NISCH: variants seen among roughly 807,000 people sequenced by gnomAD.
The protein encoded by NISCH is I-1 receptor candidate protein.
A neutral mutation model predicts 138.4 loss-of-function variants in NISCH; 55 were observed. The ratio of observed to expected loss-of-function variants is 0.40; its 90% CI spans 0.32 to 0.50. The LOEUF (loss-of-function observed/expected upper bound fraction) is 0.50. Among genes scored for constraint, NISCH ranks in the 20% least tolerant of loss-of-function variants. NISCH has a pLI of 0.71. For missense variants in NISCH, 1,643 were observed against 2,005.5 expected, an observed-to-expected ratio of 0.82 and a Z score of 3.45; for synonymous variants, 860 against 861.5, an observed-to-expected ratio of 1.00 and a Z score of 0.03.
chr3:52,482,488 G>T (rs143786242), intron 13 of NISCH, among the ~76,000 whole-genome samples: 1 of 152,212 alleles, frequency 6.6e-6, no homozygotes, highest in African/African-American at 2.4e-5. Context: ...AGCTGAGTTC[G>T]CATGCCAGCT....
chr3:52,490,576 C>A, intron 18 of NISCH, 129 bp from the exon 19 acceptor site: 6 of 1,299,544 alleles, frequency 4.6e-6, no homozygotes, highest in Non-Finnish European at 6.5e-6. Context: ...GAGGGCATTG[C>A]CTATGGGGCT....
chr3:52,491,461 G>T lies in NISCH; in HGVS notation c.3852G>T (p.Ser1284=), dbSNP rs372434074. 1 of 1,613,376 alleles carries T rather than the reference G, an allele frequency of 6.2e-7. No homozygotes were observed. Among genetic ancestry groups the T allele is most frequent in the Non-Finnish European group, 8.5e-7 (1 of 1,179,940 alleles). Residue 1284 remains serine (S), a synonymous_variant, in exon 20 of 21, where the codon TCG becomes TCT. Transcript: ENST00000345716. ...TGTCCTCTCTGGAACGCACGCCCTC[G>T]CCGGAGCCTGTTGACAAGGACTTCT... ...VVLSSLERTP[S]PEPVDKDFYS...
chr3:52,471,498 C>T, intron 4 of NISCH: 1 of 471,088 alleles, frequency 2.1e-6, no homozygotes, highest in Non-Finnish European at 3.8e-6. Context: ...GGTGTGTCAC[C>T]CAGAATGCTG....
Position 52,488,383 on chromosome 3 carries a change from G to T in NISCH, c.2891G>T (p.Gly964Val), listed in dbSNP as rs756745762. 1 of 1,613,818 alleles carries T rather than the reference G, an allele frequency of 6.2e-7. No individual in the cohort carries two copies. Among genetic ancestry groups the T allele is most frequent in the Non-Finnish European group, 8.5e-7 (1 of 1,180,006 alleles). ...ACACGCAGCTGTACCCAGCCTCGGG[G>T]CGCCTTTGCTGATGGCCACGTGCTA... ...DPTRSCTQPR[G>V]AFADGHVLEL... Residue 964 changes from glycine to valine, a missense_variant, in exon 16 of 21, where the codon GGC (glycine) becomes GTC (valine). Coordinates refer to ENST00000345716, the MANE Select transcript of NISCH (RefSeq NM_007184.4).
In NISCH at chr3:52,489,247, C is replaced by T. The variant is rs957435361; in HGVS notation, c.3114-89C>T. The T allele has an allele frequency of 1.9e-5, 28 of 1,453,676 alleles. No homozygotes were observed. In the African/African-American group the frequency reaches 3.8e-4, roughly 20 times the overall value. The allele number at this position is 1,453,676 out of a possible 1,614,324, so 90.0% of individuals were successfully genotyped here. ...AGTAACCCAGAGGTGATGTGTGATG[C>T]ACACAGTCTCCTCACTCTGAAGCTG... On this transcript the variant is annotated intron_variant, in intron 16 of 20. Coordinates refer to ENST00000345716, the MANE Select transcript of NISCH (RefSeq NM_007184.4).
chr3:52,481,735 A>G, intron 13 of NISCH: 1 of 985,564 alleles, frequency 1.0e-6, no homozygotes, highest in Non-Finnish European at 1.2e-6. Context: ...CTGCAGCTGC[A>G]GGCAGCCCCC....
intron 13 of NISCH, 148 bp downstream of exon 13, chr3:52,480,443 G>A (rs1375382882): frequency 4.1e-5 from 63 of 1,541,250 alleles, no homozygotes; most frequent in Admixed American, 2.0e-4. Flanking sequence ...GCTGGTCCTC[G>A]CGGGGGGACA....
Position 52,487,938 on chromosome 3 carries a change from A to G in NISCH, c.2446A>G (p.Met816Val), listed in dbSNP as rs543513978. ...GCGCTCATGCTTTGCACCCCAGCACATGGCCATGCTGTGTAGCCCCATCCT... is the reference window on the plus strand; with the variant it reads ...GCGCTCATGCTTTGCACCCCAGCACGTGGCCATGCTGTGTAGCCCCATCCT... ...DLRSCFAPQHMAMLCSPILYG... is the reference protein window; with the variant it reads ...DLRSCFAPQHVAMLCSPILYG... Residue 816 changes from methionine (M) to valine (V), a missense_variant, in exon 16 of 21, where the codon ATG (methionine) becomes GTG (valine). Coordinates refer to ENST00000345716, the MANE Select transcript of NISCH (RefSeq NM_007184.4). The surrounding 1 kb of genome is among the most constrained non-coding windows in gnomAD (Gnocchi z 9.1). 7.4e-6 allele frequency: 12 copies of G among 1,611,730 alleles called. No individual in the cohort carries two copies. The South Asian group carries it at 1.2e-4, about 16-fold the overall frequency.
rs200619504 is a variant in NISCH, at chr3:52,489,543, G to A, written c.3321G>A (p.Pro1107=). 1.1e-4 allele frequency: 170 copies of A among 1,613,212 alleles called. No homozygotes were observed. Among genetic ancestry groups the A allele is most frequent in the East Asian group, 8.2e-4 (37 of 44,868 alleles). ...PPPAEAPAQY[P]SEHLIQATSE... The stretch of plus-strand genomic sequence containing the variant: ...CAGCCGAGGCCCCTGCCCAGTACCC[G>A]AGTGAGCACCTCATCCAGGCCACCT... The change falls in exon 17 of 21, where the codon CCG becomes CCA. Residue 1107 remains proline (P), a synonymous_variant. Coordinates refer to ENST00000345716, the MANE Select transcript of NISCH (RefSeq NM_007184.4).
At chr3:52,488,900 C>T (rs1707487011) in intron 16 of NISCH, among the ~76,000 whole-genome samples, 1 of 152,250 alleles carries the variant, frequency 6.6e-6, no homozygotes, top group Non-Finnish European at 1.5e-5. Flanking sequence ...CCACCTTTGC[C>T]TGCCCAGTGG....
chr3:52,481,323 C>T, intron 13 of NISCH: 1 of 1,008,508 alleles, frequency 9.9e-7, no homozygotes, highest in Non-Finnish European at 1.2e-6. Flanking sequence ...GGCAAAAGGC[C>T]CAACGCAGAG....
chr3:52,455,637 C>G lies in NISCH; in HGVS notation c.-5C>G. On this transcript the variant is annotated 5_prime_UTR_variant, in exon 1 of 21. Transcript: ENST00000345716. ...CCGGGCGGCGGTGGCGGCGGAGACC[C>G]GAACATGGCGACCGCGCGCACCTTC... 3.7e-6 allele frequency: 5 copies of G among 1,333,526 alleles called. No individual in the cohort carries two copies. Among genetic ancestry groups the G allele is most frequent in the Non-Finnish European group, 4.8e-6 (5 of 1,034,542 alleles). The allele number at this position is 1,333,526 out of a possible 1,614,324, so 82.6% of individuals were successfully genotyped here. A position where few individuals can be genotyped will look rare whatever the true frequency, so the allele number is the denominator to read the frequency against.
In NISCH at chr3:52,470,621, G is replaced by A. The variant is rs1706917387; in HGVS notation, c.361-238G>A. 5 of 583,656 alleles carry A rather than the reference G, an allele frequency of 8.6e-6. 1 individual carries two copies. The highest frequency in any genetic ancestry group is 1.5e-5 in the Non-Finnish European group (5 of 327,310). The allele number at this position is 583,656 out of a possible 1,614,324, so 36.2% of individuals were successfully genotyped here. A position where few individuals can be genotyped will look rare whatever the true frequency, so the allele number is the denominator to read the frequency against. Reference sequence around the variant, plus strand: ...CTTGGCCCTATGGACTGGAGTCGCAGCATTAGGCTGATTTCCCTTCTGCTT... The same window carrying A: ...CTTGGCCCTATGGACTGGAGTCGCAACATTAGGCTGATTTCCCTTCTGCTT... On this transcript the variant is annotated intron_variant, in intron 3 of 20. Coordinates refer to ENST00000345716, the MANE Select transcript of NISCH (RefSeq NM_007184.4).
rs367552602 is a variant in NISCH at position 52,470,055 on chromosome 3, G to T, written c.361-804G>T. Reference sequence around the variant, plus strand: ...GCTATGGTCATACCATTGCACTCCAGCCTGAGTGACAGAGCAAGACCCTGT... The same window carrying T: ...GCTATGGTCATACCATTGCACTCCATCCTGAGTGACAGAGCAAGACCCTGT... On this transcript the variant is annotated intron_variant, in intron 3 of 20. Transcript: ENST00000345716. Among the ~76,000 whole-genome samples the T allele has an allele frequency of 1.9e-4, 28 of 149,192 alleles. No individual in the cohort carries two copies. In the East Asian group the frequency reaches 2.1e-3, roughly 11 times the overall value.
Position 52,471,297 on chromosome 3 carries a change from C to G in NISCH, c.409+390C>G. 2 of 302,506 alleles carry G rather than the reference C, an allele frequency of 6.6e-6. 1 individual carries two copies. Among genetic ancestry groups the G allele is most frequent in the South Asian group, 1.1e-4 (2 of 18,964 alleles). The allele number at this position is 302,506 out of a possible 1,614,324, so 18.7% of individuals were successfully genotyped here. The stretch of plus-strand genomic sequence containing the variant: ...TCTTACTGCCTTCCCCCAGGAGCCA[C>G]AGGTATAGGGAAGGATACGGGGTCA... On this transcript the variant is annotated intron_variant, in intron 4 of 20. Coordinates refer to ENST00000345716, the MANE Select transcript of NISCH (RefSeq NM_007184.4).
At chr3:52,476,678 T>A in intron 8 of NISCH, 79 bp downstream of exon 8, 7 of 1,456,544 alleles carry the variant, frequency 4.8e-6, no homozygotes, top group South Asian at 3.5e-5. Context: ...TCAGCTTTTT[T>A]AGGAAGGACC....
intron 3 of NISCH, among the ~76,000 whole-genome samples, chr3:52,469,929 A>C (rs1706894362): frequency 6.6e-6 from 1 of 151,776 alleles, no homozygotes; most frequent in African/African-American, 2.4e-5. Flanking sequence ...AAGAAAAAAA[A>C]AAAAAAAAGC....
In NISCH at chr3:52,492,473, C is replaced by A; in HGVS notation, c.4506C>A (p.Leu1502=). 6.3e-7 allele frequency: 1 copy of A among 1,598,722 alleles called. No homozygotes were observed. ...GTGGCCGTGAGCTGCCTGTCGAGCT[C>A]ACCGGCTAGCCCAGGCCACAGCCAG... ...ALCGRELPVE[L]TG is the part of the protein sequence containing the mutation. The change falls in exon 21 of 21, where the codon CTC becomes CTA. Residue 1502 remains leucine (L), a synonymous_variant. Coordinates refer to ENST00000345716, the MANE Select transcript of NISCH (RefSeq NM_007184.4).
At chr3:52,471,264 T>G in intron 4 of NISCH, 1 of 338,522 alleles carries the variant, frequency 3.0e-6, no homozygotes, top group Non-Finnish European at 5.4e-6. Context: ...GAATGCTTCC[T>G]GTTTGCATCT....
Sources: allele counts gnomAD v4.1 joint callset (sites outside exome capture counted in the v4.1 genomes callset), GRCh38; gene constraint gnomAD v4.1.1; non-coding constraint Gnocchi (gnomAD v3.1); transcripts MANE v1.5; gene names NCBI Gene and HGNC (gene_info 2026-07-23, HGNC 2026-07-21).